Variants in CDAN1 observed in about 807,000 individuals in gnomAD.
CDAN1 encodes codanin 1.
CDAN1 carries 107 observed loss-of-function variants against 139.8 expected under a neutral mutation model. That is an observed-to-expected ratio of 0.77 (90% CI 0.65 to 0.90). The LOEUF (loss-of-function observed/expected upper bound fraction) is 0.90. Among genes scored for constraint, CDAN1 ranks in the 40% least tolerant of loss-of-function variants. The pLI is 0.00. For synonymous variants in CDAN1, 776 were observed against 660.6 expected, an observed-to-expected ratio of 1.17 and a Z score of -2.68; for missense variants, 1,667 against 1,575.7, an observed-to-expected ratio of 1.06 and a Z score of -0.98.
intron 6 of CDAN1, 49 bp from the exon 7 acceptor site, chr15:42,734,395 G>A (rs752246215): frequency 1.2e-6 from 2 of 1,612,326 alleles, no homozygotes; most frequent in South Asian, 1.1e-5. Context: ...CAGACTGCAA[G>A]TAGGAAGCAA....
At chr15:42,726,195 G>A in intron 24 of CDAN1, 35 bp from the exon 25 acceptor site, 1 of 1,611,506 alleles carries the variant, frequency 6.2e-7, no homozygotes, top group Non-Finnish European at 8.5e-7. Context: ...AGAGACCATA[G>A]GTATCACCAT....
In CDAN1 at chr15:42,728,525, T is replaced by G. The variant is rs534595171; in HGVS notation, c.2804+127A>C. 112 of 1,361,838 alleles carry G rather than the reference T, an allele frequency of 8.2e-5. 4 individuals are homozygous for G. In the South Asian group the frequency reaches 1.3e-3, roughly 16 times the overall value. 84.4% of individuals were successfully genotyped at this position (1,361,838 alleles called of 1,614,324 possible). Reference sequence around the variant, plus strand: ...CAGCCAGTGCAGGGCTTATAGAGAATGGGCGCAGGGAGAAGAAAAAAGGAG... The same window carrying G: ...CAGCCAGTGCAGGGCTTATAGAGAAGGGGCGCAGGGAGAAGAAAAAAGGAG... On this transcript the variant is annotated intron_variant, in intron 20 of 27. Transcript: ENST00000356231.
In CDAN1 at chr15:42,725,727, TCA is replaced by T. The variant is rs878864207; in HGVS notation, c.3269-59_3269-58del. On this transcript the variant is annotated intron_variant, in intron 25 of 27. Transcript: ENST00000356231. ...ATGGGGGCAGGCCGGGTGCGGTGACTCACACCTATAATCCCAACACTTCGGGA... is the reference window on the plus strand; with the variant it reads ...ATGGGGGCAGGCCGGGTGCGGTGACTCACCTATAATCCCAACACTTCGGGA... The T allele has an allele frequency of 1.5e-5, 23 of 1,565,150 alleles. No individual in the cohort carries two copies. The Admixed American group carries it at 3.3e-4, about 22-fold the overall frequency.
At chr15:42,730,855 A>G in intron 13 of CDAN1, 70 bp downstream of exon 13, 1 of 1,613,550 alleles carries the variant, frequency 6.2e-7, no homozygotes, top group Non-Finnish European at 8.5e-7. Context: ...ATAGCCAAGG[A>G]AACCAGTCAG....
At chr15:42,733,260 C>A in intron 8 of CDAN1, 74 bp from the exon 9 acceptor site, 1 of 1,239,212 alleles carries the variant, frequency 8.1e-7, no homozygotes, top group Non-Finnish European at 1.2e-6. Context: ...GAAGAACTAT[C>A]CGTAGCCCAC....
At position 42,729,134 on chromosome 15, in the gene CDAN1, G is replaced by A. The variant is rs749485700; in HGVS notation, c.2542-8C>T. 18 of 1,613,822 alleles carry A rather than the reference G, an allele frequency of 1.1e-5. No homozygotes were observed. In the African/African-American group the frequency reaches 1.7e-4, roughly 16 times the overall value. On this transcript the variant is annotated splice_polypyrimidine_tract_variant and splice_region_variant and intron_variant, in intron 18 of 27. Coordinates refer to ENST00000356231, the MANE Select transcript of CDAN1 (RefSeq NM_138477.4). ...GGCCTGGGCGAGCTGTGCCTGGGGG[G>A]AGGAGGGAGAGGCAGCAAGGCTTCC...
At position 42,729,343 on chromosome 15, in the gene CDAN1, G is replaced by C. The variant is rs769411859; in HGVS notation, c.2427C>G (p.Leu809=). 6.2e-6 allele frequency: 10 copies of C among 1,614,154 alleles called. No individual in the cohort carries two copies. The highest frequency in any genetic ancestry group is 1.3e-5 in the African/African-American group (1 of 75,034). ...CPYIGELRKL[L]ASWVSGSSGR... is the part of the protein sequence containing the mutation. ...CACTACTGCCTGACACCCACGAAGC[G>C]AGCAGTTTCCGGAGCTCTCCTGTAT... The change falls in exon 18 of 28, where the codon CTC becomes CTG. Residue 809 remains leucine, a synonymous_variant. Coordinates refer to ENST00000356231, the MANE Select transcript of CDAN1 (RefSeq NM_138477.4).
chr15:42,736,758 G>A lies in CDAN1; in HGVS notation c.113C>T (p.Ala38Val). The A allele has an allele frequency of 1.9e-6, 3 of 1,551,720 alleles. No individual in the cohort carries two copies. The highest frequency in any genetic ancestry group is 2.4e-5 in the South Asian group (2 of 83,486). The change falls in exon 2 of 28, where the codon GCG (alanine) becomes GTG (valine). Residue 38 changes from alanine to valine, a missense_variant. By Grantham distance (64) the Ala-to-Val change is moderately conservative (BLOSUM62 0). Around this residue, in one of 3 missense-constraint regions of CDAN1, gnomAD observed 487 missense variants for 422.2 expected, o/e 1.15. Transcript: ENST00000356231. ...GSEDNAGEAAALSSLRALRKE... is the reference protein window; with the variant it reads ...GSEDNAGEAAVLSSLRALRKE... ...CCGCAGGGCCCGGAGTGAGCTCAGC[G>A]CGGCCGCCTCCCCAGCGTTATCCTA...
Position 42,730,952 on chromosome 15 carries a change from C to T in CDAN1, c.1980G>A (p.Gln660=), listed in dbSNP as rs994809445. The change falls in exon 13 of 28, where the codon CAG becomes CAA. Residue 660 remains glutamine, a synonymous_variant. Transcript: ENST00000356231. ...GPEPPPTGEL[Q]DSILALRSQV... is the part of the protein sequence containing the mutation. ...GGCTCCTGAGGGCCAGAATGGAGTC[C>T]TGAAGCTCACCGGTCGGGGGAGGTT... is the stretch of plus-strand genomic sequence containing the variant. 5.6e-6 allele frequency: 9 copies of T among 1,614,202 alleles called. No homozygotes were observed. The highest frequency in any genetic ancestry group is 4.4e-5 in the South Asian group (4 of 91,090).
At chr15:42,729,173 T>TCC in intron 18 of CDAN1, 47 bp from the exon 19 acceptor site, 2 of 1,595,158 alleles carry the variant, frequency 1.3e-6, no homozygotes, top group Non-Finnish European at 1.7e-6. Context: ...AGCCTCCCTG[T>TCC]CCCCGCCCCC....
chr15:42,724,434 G>C lies in CDAN1; in HGVS notation c.*57C>G, dbSNP rs570078213. On this transcript the variant is annotated 3_prime_UTR_variant, in exon 28 of 28. Transcript: ENST00000356231. ...CTGCATTGGGCACTTGGGCCTCCTCGTGAGGCGGGGGTCCAGGGTTCTGGT... is the reference window on the plus strand; with the variant it reads ...CTGCATTGGGCACTTGGGCCTCCTCCTGAGGCGGGGGTCCAGGGTTCTGGT... 68 of 1,555,154 alleles carry C rather than the reference G, an allele frequency of 4.4e-5. No individual in the cohort carries two copies. The highest frequency in any genetic ancestry group is 5.8e-5 in the Non-Finnish European group (67 of 1,150,078).
chr15:42,728,097 G>C (rs565486675), intron 21 of CDAN1, 64 bp from the exon 22 acceptor site: 10 of 1,587,622 alleles, frequency 6.3e-6, no homozygotes, highest in Non-Finnish European at 7.8e-6. Flanking sequence ...GGATGCCAGA[G>C]TCGAGCACTG....
At position 42,731,607 on chromosome 15, in the gene CDAN1, CAG is replaced by C. The variant is rs2061612368; in HGVS notation, c.1739+11_1739+12del. On this transcript the variant is annotated intron_variant, in intron 11 of 27. Transcript: ENST00000356231. ...CCTCTGCCCCATTCCTTGCAAGACA[CAG>C]GGGAGCCTACCTGCTGGCACTAAGG... is the stretch of plus-strand genomic sequence containing the variant. 3 of 1,613,392 alleles carry C rather than the reference CAG, an allele frequency of 1.9e-6. No homozygotes were observed. Among genetic ancestry groups the C allele is most frequent in the Non-Finnish European group, 1.7e-6 (2 of 1,179,684 alleles).
chr15:42,725,841 G>A (rs901809128), intron 25 of CDAN1, among the ~76,000 whole-genome samples, 171 bp from the exon 26 acceptor site: 4 of 151,926 alleles, frequency 2.6e-5, no homozygotes, highest in African/African-American at 9.7e-5. Context: ...AAATTAGCCA[G>A]GCGTGGTGGA....
chr15:42,729,059 G>A lies in CDAN1; in HGVS notation c.2609C>T (p.Ala870Val). The change falls in exon 19 of 28, where the codon GCA becomes GTA. Residue 870 changes from alanine (A) to valine (V), a missense_variant. Ala to Val is a moderately conservative substitution (Grantham distance 64). This residue lies in a region of CDAN1 where 936 missense variants were observed against 844.1 expected (regional missense o/e 1.11). Coordinates refer to ENST00000356231, the MANE Select transcript of CDAN1 (RefSeq NM_138477.4). Reference protein sequence around the residue: ...PSLRRTVEFVAERIGSNCVKH... With the variant: ...PSLRRTVEFVVERIGSNCVKH... ...GACACAGTTTGATCCAATTCTTTCT[G>A]CCACGAACTCTACGGTCCGGCGCAA... 3 of 1,614,214 alleles carry A rather than the reference G, an allele frequency of 1.9e-6. No homozygotes were observed. The highest frequency in any genetic ancestry group is 1.7e-6 in the Non-Finnish European group (2 of 1,180,040).
rs763643867 is a variant in CDAN1, at chr15:42,729,115, G to C, written c.2553C>G (p.Ala851=). 2.5e-6 allele frequency: 4 copies of C among 1,614,172 alleles called. No individual in the cohort carries two copies. The Admixed American group carries it at 6.7e-5, about 27-fold the overall frequency. Residue 851 remains alanine (A), a synonymous_variant, in exon 19 of 28, where the codon GCC becomes GCG. Transcript: ENST00000356231. The part of the protein sequence containing the change: ...QTSQGLQAQL[A]QAFFHNQPPS... ...GCGGCTGGTTGTGGAAAAAGGCCTG[G>C]GCGAGCTGTGCCTGGGGGGAGGAGG...
At chr15:42,725,755 G>T in intron 25 of CDAN1, 85 bp from the exon 26 acceptor site, 1 of 1,372,238 alleles carries the variant, frequency 7.3e-7, no homozygotes, top group Non-Finnish European at 1.0e-6. Context: ...CACTTCGGGA[G>T]GCTGAGGTGG....
chr15:42,724,985 C>G (rs1209193304), intron 27 of CDAN1, 159 bp downstream of exon 27: 1 of 716,982 alleles, frequency 1.4e-6, no homozygotes, highest in Non-Finnish European at 2.5e-6. Flanking sequence ...AACACAGTCC[C>G]TCATATAATA....
intron 8 of CDAN1, 65 bp downstream of exon 8, chr15:42,733,873 A>C: frequency 8.1e-7 from 1 of 1,231,208 alleles, no homozygotes; most frequent in Non-Finnish European, 1.2e-6. Context: ...TATGAAACCA[A>C]ACAGCTGCCT....
Sources: allele counts gnomAD v4.1 joint callset (sites outside exome capture counted in the v4.1 genomes callset), GRCh38; gene constraint gnomAD v4.1.1; regional missense constraint gnomAD v4.1.1; transcripts MANE v1.5; gene names NCBI Gene and HGNC (gene_info 2026-07-23, HGNC 2026-07-21).